NDUFAF2: variants seen among roughly 807,000 people sequenced by gnomAD.
NDUFAF2 encodes NADH dehydrogenase [ubiquinone] 1 alpha subcomplex assembly factor 2.
In NDUFAF2, 13 loss-of-function variants were observed where a neutral mutation model predicts 22.8. That is an observed-to-expected ratio of 0.57 (90% CI 0.37 to 0.91). NDUFAF2 has a LOEUF of 0.91. Ranked by LOEUF, NDUFAF2 falls within the 40% of genes least tolerant of loss-of-function variation. The pLI, the probability that NDUFAF2 is intolerant of heterozygous loss-of-function variation, is 0.01. For missense variants in NDUFAF2, 162 were observed against 195.2 expected (o/e 0.83, Z 1.01); for synonymous variants, 53 against 64.2 (o/e 0.83, Z 0.84).
intron 1 of NDUFAF2, among the ~76,000 whole-genome samples, chr5:61,007,652 A>G (rs1489383062): frequency 6.6e-6 from 1 of 152,200 alleles, no homozygotes; most frequent in Non-Finnish European, 1.5e-5. Context: ...TCAGGAAACA[A>G]CAGGTGCTGG....
chr5:61,131,382 A>C (rs529901396), intron 3 of NDUFAF2, among the ~76,000 whole-genome samples: 1 of 151,190 alleles, frequency 6.6e-6, no homozygotes, highest in Non-Finnish European at 1.5e-5. Context: ...TTTGTTTTTT[A>C]TGTTTGTTGT....
At chr5:61,070,629 G>A (rs62367911) in intron 1 of NDUFAF2, among the ~76,000 whole-genome samples, 11 of 107,818 alleles carry the variant, frequency 1.0e-4, no homozygotes, top group East Asian at 3.6e-4. Context: ...ACACACACAC[G>A]CACTCACATA....
chr5:61,112,241 GTC>G (rs1752854025), intron 3 of NDUFAF2, among the ~76,000 whole-genome samples: 1 of 133,996 alleles, frequency 7.5e-6, no homozygotes, highest in Non-Finnish European at 1.6e-5. Context: ...TTGAGACAGA[GTC>G]TCTCTCTGTC....
At chr5:60,959,242 T>G (rs1010455026) in intron 1 of NDUFAF2, among the ~76,000 whole-genome samples, 1 of 152,078 alleles carries the variant, frequency 6.6e-6, no homozygotes, top group Non-Finnish European at 1.5e-5. Context: ...TGGGAAATTA[T>G]GAAGACATTT....
intron 1 of NDUFAF2, among the ~76,000 whole-genome samples, chr5:60,969,892 AT>A (rs1278312908): frequency 6.6e-6 from 1 of 151,916 alleles, no homozygotes; most frequent in African/African-American, 2.4e-5. Flanking sequence ...TTTTGATTTG[AT>A]TTTTGTATAT....
At chr5:61,127,534 CAT>C (rs1753052618) in intron 3 of NDUFAF2, among the ~76,000 whole-genome samples, 1 of 152,138 alleles carries the variant, frequency 6.6e-6, no homozygotes, top group Non-Finnish European at 1.5e-5. Flanking sequence ...ACAAAACCCA[CAT>C]GATTATCTCA....
intron 3 of NDUFAF2, among the ~76,000 whole-genome samples, chr5:61,138,788 T>C (rs1741005759): frequency 6.6e-6 from 1 of 152,150 alleles, no homozygotes; most frequent in East Asian, 1.9e-4. Context: ...CAAAGAGTAA[T>C]AAGTAGTAGA....
chr5:61,018,488 A>C (rs189221306), intron 1 of NDUFAF2, among the ~76,000 whole-genome samples: 1 of 152,318 alleles, frequency 6.6e-6, no homozygotes, highest in East Asian at 1.9e-4. Flanking sequence ...TGTGCCCAGA[A>C]GATTATTAAA....
chr5:61,001,870 A>G (rs1199560180), intron 1 of NDUFAF2, among the ~76,000 whole-genome samples: 1 of 152,128 alleles, frequency 6.6e-6, no homozygotes, highest in Non-Finnish European at 1.5e-5. Flanking sequence ...TACACCTTAA[A>G]AATGAAACAA....
At chr5:61,125,292 C>T (rs1284414719) in intron 3 of NDUFAF2, among the ~76,000 whole-genome samples, 1 of 151,872 alleles carries the variant, frequency 6.6e-6, no homozygotes, top group African/African-American at 2.4e-5. Flanking sequence ...TTGTAGTTTC[C>T]ATCACTGAAT....
In NDUFAF2 at chr5:61,152,781, T is replaced by C. The variant is rs1741263800; in HGVS notation, c.336T>C (p.Leu112=). The change falls in exon 4 of 4, where the codon CTT becomes CTC. Residue 112 remains leucine (L), a synonymous_variant. Coordinates refer to ENST00000296597, the MANE Select transcript of NDUFAF2 (RefSeq NM_174889.5). The part of the protein sequence containing the change: ...SQDFYEKEKL[L]SKETSEELLP... ...ATTTTTATGAAAAAGAAAAACTCCT[T>C]AGTAAAGAGACCAGTGAGGAACTCC... is the stretch of plus-strand genomic sequence containing the variant. 1.3e-6 allele frequency: 2 copies of C among 1,596,348 alleles called. No homozygotes were observed. Among genetic ancestry groups the C allele is most frequent in the Non-Finnish European group, 1.7e-6 (2 of 1,170,676 alleles).
At chr5:60,975,373 G>A (rs1428024726) in intron 1 of NDUFAF2, among the ~76,000 whole-genome samples, 1 of 151,936 alleles carries the variant, frequency 6.6e-6, no homozygotes, top group Non-Finnish European at 1.5e-5. Context: ...CAGCTGAAAT[G>A]GGGAAGGCTG....
chr5:61,017,552 C>G (rs1016950561), intron 1 of NDUFAF2, among the ~76,000 whole-genome samples: 1 of 151,944 alleles, frequency 6.6e-6, no homozygotes, highest in African/African-American at 2.4e-5. Context: ...TGCACCAGCC[C>G]GTTAGAACTG....
intron 2 of NDUFAF2, among the ~76,000 whole-genome samples, chr5:61,078,892 T>A (rs1248173886): frequency 6.6e-6 from 1 of 152,230 alleles, no homozygotes; most frequent in Non-Finnish European, 1.5e-5. Flanking sequence ...GGCTCTCATA[T>A]TTGTCTCTCT....
rs1446027797 is a variant in NDUFAF2 at position 60,948,542 on chromosome 5, C to T, written c.127+3160C>T. On this transcript the variant is annotated intron_variant, in intron 1 of 3. Coordinates refer to ENST00000296597, the MANE Select transcript of NDUFAF2 (RefSeq NM_174889.5). Reference sequence around the variant, plus strand: ...TTTATTTAAGTGGAAGCATACAGCACATATTCTGCTTTTTTTTTTTTTTGT... The same window carrying T: ...TTTATTTAAGTGGAAGCATACAGCATATATTCTGCTTTTTTTTTTTTTTGT... Among the ~76,000 whole-genome samples, 5 of 139,048 alleles carry T rather than the reference C, an allele frequency of 3.6e-5. No individual in the cohort carries two copies. In the South Asian group the frequency reaches 7.5e-4, roughly 21 times the overall value. 91.2% of individuals were successfully genotyped at this position (139,048 alleles called of 152,430 possible). A position where few individuals can be genotyped will look rare whatever the true frequency, so the allele number is the denominator to read the frequency against.
chr5:61,056,917 A>G (rs867606032), intron 1 of NDUFAF2, among the ~76,000 whole-genome samples: 5 of 16,752 alleles, frequency 3.0e-4, no homozygotes, highest in Non-Finnish European at 3.8e-4. Context: ...AAAAAAAAAA[A>G]AAATATATAT....
At chr5:61,082,979 T>G (rs1752462304) in intron 2 of NDUFAF2, among the ~76,000 whole-genome samples, 1 of 152,208 alleles carries the variant, frequency 6.6e-6, no homozygotes, top group African/African-American at 2.4e-5. Context: ...CTGAACTAAT[T>G]TATAGTCCCA....
At chr5:61,082,849 T>C (rs531053303) in intron 2 of NDUFAF2, among the ~76,000 whole-genome samples, 2 of 152,334 alleles carry the variant, frequency 1.3e-5, no homozygotes, top group South Asian at 4.1e-4. Flanking sequence ...CATGTGTCTT[T>C]ATGGTAGAAT....
At chr5:61,048,010 C>T (rs1048072268) in intron 1 of NDUFAF2, among the ~76,000 whole-genome samples, 37 of 152,080 alleles carry the variant, frequency 2.4e-4, no homozygotes, top group Non-Finnish European at 3.2e-4. Flanking sequence ...TGAAAAAAAT[C>T]AAGATAGACT....
Sources: allele counts gnomAD v4.1 joint callset (sites outside exome capture counted in the v4.1 genomes callset), GRCh38; gene constraint gnomAD v4.1.1; transcripts MANE v1.5; gene names NCBI Gene and HGNC (gene_info 2026-07-23, HGNC 2026-07-21).